The following DRC7 variants were observed in gnomAD, a reference collection of about 807,000 sequenced individuals.
The protein encoded by DRC7 is dynein regulatory complex subunit 7, also known as coiled-coil domain containing 135.
Under a neutral mutation model 104.4 loss-of-function variants are expected in DRC7, and 80 were observed. The observed-to-expected ratio is 0.77, with a 90% CI of 0.64 to 0.92. The LOEUF is 0.92. DRC7 is among the 40% of genes least tolerant of loss of function. The pLI is 0.00. For synonymous variants in DRC7, 405 were observed against 447.3 expected (o/e 0.91, Z 1.19); for missense variants, 1,034 against 1,141.1 (o/e 0.91, Z 1.35).
chr16:57,729,494 G>A (rs1451497633), intron 17 of DRC7, among the ~76,000 whole-genome samples: 2 of 130,518 alleles, frequency 1.5e-5, no homozygotes, highest in African/African-American at 2.8e-5. Context: ...GAGTGGGTGG[G>A]TGGATGGATG....
At position 57,721,711 on chromosome 16, in the gene DRC7, G is replaced by A; in HGVS notation, c.1251G>A (p.Trp417Ter). The A allele has an allele frequency of 6.2e-7, 1 of 1,613,860 alleles. No individual in the cohort carries two copies. The highest frequency in any genetic ancestry group is 8.5e-7 in the Non-Finnish European group (1 of 1,179,880). ...EDKSFDMPHS[W>*]VEQIEISPEA... ...AGAGCTTCGACATGCCCCACTCGTG[G>A]GTGGAGCAGATTGAGATCTCCCCGG... The change falls in exon 10 of 19, where the codon TGG (tryptophan) becomes TGA (stop). Residue 417 changes from tryptophan to a stop codon, truncating the protein, a stop_gained. Transcript: ENST00000360716. LOFTEE classifies it high-confidence loss of function.
rs1227298087 is a variant in DRC7 at position 57,722,705 on chromosome 16, G to A, written c.1280-8G>A. ...GCAAGAAGAGACCACAGCTGACTGT[G>A]TCCACAGCATTTGAGACCCGCTGCC... is the stretch of plus-strand genomic sequence containing the variant. On this transcript the variant is annotated splice_polypyrimidine_tract_variant and splice_region_variant and intron_variant, in intron 10 of 18. Coordinates refer to ENST00000360716, the MANE Select transcript of DRC7 (RefSeq NM_001289162.2). 2 of 1,613,420 alleles carry A rather than the reference G, an allele frequency of 1.2e-6. No individual in the cohort carries two copies. Among genetic ancestry groups the A allele is most frequent in the African/African-American group, 2.7e-5 (2 of 75,020 alleles).
chr16:57,726,474 C>T (rs1321433269), intron 14 of DRC7, 191 bp downstream of exon 14: 1 of 608,180 alleles, frequency 1.6e-6, no homozygotes, highest in Non-Finnish European at 2.9e-6. Context: ...TGAAAATCTT[C>T]CTTTTCCACC....
chr16:57,706,214 T>A (rs1289944025), intron 7 of DRC7, among the ~76,000 whole-genome samples: 2 of 130,578 alleles, frequency 1.5e-5, no homozygotes, highest in Admixed American at 7.5e-5. Flanking sequence ...CCACCCATCC[T>A]CCCATCCATC....
At chr16:57,714,886 C>T (rs2048825472) in intron 8 of DRC7, 3 of 333,026 alleles carry the variant, frequency 9.0e-6, no homozygotes, top group East Asian at 9.5e-5. Context: ...AAATATGAGC[C>T]GAGGAAATAG....
Position 57,723,113 on chromosome 16 carries a change from A to AC in DRC7, c.1525dup (p.Gln509ProfsTer14), listed in dbSNP as rs1391134293. 6.2e-6 allele frequency: 10 copies of AC among 1,613,598 alleles called. No individual in the cohort carries two copies. The highest frequency in any genetic ancestry group is 8.5e-6 in the Non-Finnish European group (10 of 1,179,942). On this transcript the variant is annotated frameshift_variant, in exon 12 of 19. Coordinates refer to ENST00000360716, the MANE Select transcript of DRC7 (RefSeq NM_001289162.2). LOFTEE classifies it high-confidence loss of function. ...AAGACAGACTACTTCAAGCCTGGCC[A>AC]CCCCCAGGCTCTGCGCGGTGCGTGG... is the stretch of plus-strand genomic sequence containing the variant.
At chr16:57,731,095 GAACCC>G in intron 18 of DRC7, 25 bp downstream of exon 18, 2 of 1,613,692 alleles carry the variant, frequency 1.2e-6, no homozygotes, top group Non-Finnish European at 1.7e-6. Context: ...CAGGTGGAGA[GAACCC>G]ACTGGGAGGC....
Position 57,726,787 on chromosome 16 carries a change from G to A in DRC7, c.1975-45G>A, listed in dbSNP as rs146031795. On this transcript the variant is annotated intron_variant, in intron 14 of 18. Transcript: ENST00000360716. ...TTGAACCCAGGTGGTCCTATGCCCC[G>A]ATCATGGCAGCCTCTCTGTGTTACT... 5.3e-3 allele frequency: 6,998 copies of A among 1,318,330 alleles called. 34 individuals are homozygous for A. The highest frequency in any genetic ancestry group is 5.5e-3 in the Non-Finnish European group (5,098 of 925,914). 81.7% of individuals were successfully genotyped at this position (1,318,330 alleles called of 1,614,324 possible).
At chr16:57,703,137 C>T (rs1360115157) in intron 6 of DRC7, among the ~76,000 whole-genome samples, 3 of 150,244 alleles carry the variant, frequency 2.0e-5, no homozygotes, top group Non-Finnish European at 2.9e-5. Flanking sequence ...CCTCAGCCTT[C>T]CAAAGTGCTG....
At chr16:57,727,456 C>T in intron 16 of DRC7, 47 bp downstream of exon 16, 1 of 1,436,206 alleles carries the variant, frequency 7.0e-7, no homozygotes, top group Non-Finnish European at 9.8e-7. Flanking sequence ...CTAGACCCCC[C>T]TGGTCTCCAG....
chr16:57,731,394 C>T lies in DRC7; in HGVS notation c.*136C>T, dbSNP rs2049060624. 2 of 646,460 alleles carry T rather than the reference C, an allele frequency of 3.1e-6. No homozygotes were observed. Among genetic ancestry groups the T allele is most frequent in the African/African-American group, 1.8e-5 (1 of 54,886 alleles). The allele number at this position is 646,460 out of a possible 1,614,324, so 40.0% of individuals were successfully genotyped here. ...CCTCACTGCCAGCCCACCTCCCCTA[C>T]AGCCCTGTTTGTTCCTGCTTCTCAT... On this transcript the variant is annotated 3_prime_UTR_variant, in exon 19 of 19. Coordinates refer to ENST00000360716, the MANE Select transcript of DRC7 (RefSeq NM_001289162.2).
Position 57,707,602 on chromosome 16 carries a change from A to G in DRC7, c.1001A>G (p.His334Arg). ...CATAGCTACAGCACCCAGGATGAGC[A>G]CTTCCTGGGCATCGAAAGCCTGTGG... ...TGHSYSTQDEHFLGIESLWNH... is the reference protein window; with the variant it reads ...TGHSYSTQDERFLGIESLWNH... The change falls in exon 8 of 19, where the codon CAC becomes CGC. Residue 334 changes from histidine (H) to arginine (R), a missense_variant. His to Arg is a conservative substitution (Grantham distance 29, BLOSUM62 0). Coordinates refer to ENST00000360716, the MANE Select transcript of DRC7 (RefSeq NM_001289162.2). 6.2e-7 allele frequency: 1 copy of G among 1,613,580 alleles called. No homozygotes were observed. Among genetic ancestry groups the G allele is most frequent in the East Asian group, 2.2e-5 (1 of 44,882 alleles).
chr16:57,707,977 A>G (rs1020384359), intron 8 of DRC7: 6 of 438,400 alleles, frequency 1.4e-5, no homozygotes, highest in African/African-American at 2.0e-5. Context: ...CATCCCATGC[A>G]TACATACAGT....
chr16:57,716,001 C>T (rs1005332750), intron 8 of DRC7, among the ~76,000 whole-genome samples: 1 of 152,194 alleles, frequency 6.6e-6, no homozygotes, highest in Non-Finnish European at 1.5e-5. Context: ...CTTCAAAGAA[C>T]CTTGAAATAG....
At chr16:57,700,369 C>T (rs1484089970) in intron 5 of DRC7, 99 bp downstream of exon 5, 2 of 1,453,510 alleles carry the variant, frequency 1.4e-6, no homozygotes. Context: ...GACTTAGAGG[C>T]CGGGCGTGGT....
At chr16:57,694,923 C>G (rs1183128186) in intron 1 of DRC7, 71 bp downstream of exon 1, 1 of 152,090 alleles carries the variant, frequency 6.6e-6, no homozygotes, top group Non-Finnish European at 1.5e-5. Flanking sequence ...CTGGTGGCCC[C>G]CTTCTGCCTG....
intron 9 of DRC7, among the ~76,000 whole-genome samples, chr16:57,719,047 C>A (rs2048875924): frequency 6.6e-6 from 1 of 151,542 alleles, no homozygotes; most frequent in Admixed American, 6.6e-5. Context: ...TAACACCCCG[C>A]TCTGCAACCC....
In DRC7 at chr16:57,722,703, G is replaced by A; in HGVS notation, c.1280-10G>A. On this transcript the variant is annotated splice_polypyrimidine_tract_variant and intron_variant, in intron 10 of 18. Coordinates refer to ENST00000360716, the MANE Select transcript of DRC7 (RefSeq NM_001289162.2). ...TAGCAAGAAGAGACCACAGCTGACT[G>A]TGTCCACAGCATTTGAGACCCGCTG... The A allele has an allele frequency of 6.2e-7, 1 of 1,613,424 alleles. No individual in the cohort carries two copies. Among genetic ancestry groups the A allele is most frequent in the Non-Finnish European group, 8.5e-7 (1 of 1,179,944 alleles).
chr16:57,728,538 A>G lies in DRC7; in HGVS notation c.2345A>G (p.Gln782Arg), dbSNP rs779471085. 1 of 1,610,984 alleles carries G rather than the reference A, an allele frequency of 6.2e-7. No homozygotes were observed. Among genetic ancestry groups the G allele is most frequent in the South Asian group, 1.1e-5 (1 of 90,776 alleles). ...LKDECLSDFK[Q>R]RLINKANLIQ... ...GATGAGTGCCTCAGCGACTTCAAGC[A>G]GCGGCTCATCAACAAGGCCAACCTC... Residue 782 changes from glutamine (Q) to arginine (R), a missense_variant, in exon 17 of 19, where the codon CAG (glutamine) becomes CGG (arginine). Gln to Arg is a conservative substitution (Grantham distance 43). Transcript: ENST00000360716.
Sources: gnomAD v4.1 joint callset for allele counts (sites outside exome capture counted in the v4.1 genomes callset) on GRCh38, gnomAD v4.1.1 for gene constraint, MANE v1.5 for transcripts, NCBI Gene and HGNC (gene_info 2026-07-23, HGNC 2026-07-21) for gene names.